Variants in HSD17B12 observed in about 807,000 individuals in gnomAD.
HSD17B12 encodes the protein very-long-chain 3-oxoacyl-CoA reductase.
HSD17B12 carries 32 observed loss-of-function variants against 39.3 expected under a neutral mutation model. The ratio of observed to expected loss-of-function variants is 0.81; its 90% CI spans 0.61 to 1.09. The LOEUF is 1.09. Ranked by LOEUF, HSD17B12 falls within the 50% of genes least tolerant of loss-of-function variation. The pLI is 0.00. For synonymous variants in HSD17B12, 150 were observed against 146.7 expected, an observed-to-expected ratio of 1.02 and a Z score of -0.16; for missense variants, 342 against 382.9, an observed-to-expected ratio of 0.89 and a Z score of 0.89.
the HSD17B12 span, among the ~76,000 whole-genome samples, chr11:43,576,406 C>T: frequency 6.6e-6 from 1 of 152,042 alleles, no homozygotes; most frequent in African/African-American, 2.4e-5. Flanking sequence ...AGGGTTTGAT[C>T]GTGTTCCAGA....
chr11:43,576,848 C>A, the HSD17B12 span, among the ~76,000 whole-genome samples: 2 of 151,984 alleles, frequency 1.3e-5, no homozygotes, highest in Non-Finnish European at 2.9e-5. Context: ...ATCACCCTGA[C>A]GAATCTCTGA....
the HSD17B12 span, among the ~76,000 whole-genome samples, chr11:43,631,225 G>A: frequency 6.6e-6 from 1 of 152,192 alleles, no homozygotes; most frequent in Non-Finnish European, 1.5e-5. Context: ...AAAACAGATG[G>A]TGGACATTTT....
At chr11:43,771,350 G>T in intron 3 of HSD17B12, among the ~76,000 whole-genome samples, 1 of 151,646 alleles carries the variant, frequency 6.6e-6, no homozygotes, top group East Asian at 1.9e-4. Context: ...CCAGTTTCTG[G>T]CTATTATCAA....
chr11:43,749,183 G>T (rs993272476), intron 1 of HSD17B12, among the ~76,000 whole-genome samples: 3 of 152,102 alleles, frequency 2.0e-5, no homozygotes, highest in African/African-American at 7.2e-5. Context: ...TCAAGGACAG[G>T]CTGAGAAAGC....
intron 6 of HSD17B12, among the ~76,000 whole-genome samples, chr11:43,817,389 G>A (rs1205155391): frequency 2.6e-5 from 4 of 152,002 alleles, no homozygotes; most frequent in African/African-American, 9.7e-5. Flanking sequence ...TATTGCATTC[G>A]CTTTTGGGTT....
intron 3 of HSD17B12, among the ~76,000 whole-genome samples, 190 bp downstream of exon 3, chr11:43,754,311 G>A (rs772600123): frequency 2.6e-5 from 4 of 152,150 alleles, no homozygotes; most frequent in Non-Finnish European, 4.4e-5. Flanking sequence ...GGTGGCTCAC[G>A]CCTGTAATCC....
At chr11:43,662,072 C>T in the HSD17B12 span, among the ~76,000 whole-genome samples, 12 of 152,040 alleles carry the variant, frequency 7.9e-5, no homozygotes, top group Non-Finnish European at 1.2e-4. Context: ...TGGTGGTGCA[C>T]GCCTGTAATC....
rs1949737351 is a variant in HSD17B12 at position 43,680,930 on chromosome 11, C to T, written c.103C>T (p.Arg35Trp). Residue 35 changes from arginine (R) to tryptophan (W), a missense_variant, in exon 1 of 11, where the codon CGG becomes TGG. Physicochemically the swap from Arg to Trp is moderately radical, Grantham distance 101 (BLOSUM62 -3). Coordinates refer to ENST00000278353, the MANE Select transcript of HSD17B12 (RefSeq NM_016142.3). ...RISYSLFTALRVWGVGNEAGV... is the reference protein window; with the variant it reads ...RISYSLFTALWVWGVGNEAGV... ...TTCGTACTCGCTCTTCACGGCCCTC[C>T]GGGTCTGGGGAGTGGGGAATGAGGC... is the stretch of plus-strand genomic sequence containing the variant. The T allele has an allele frequency of 1.9e-6, 3 of 1,613,250 alleles. No individual in the cohort carries two copies. Among genetic ancestry groups the T allele is most frequent in the Non-Finnish European group, 1.7e-6 (2 of 1,179,602 alleles).
the HSD17B12 span, among the ~76,000 whole-genome samples, chr11:43,659,883 C>T: frequency 2.0e-5 from 3 of 152,082 alleles, no homozygotes; most frequent in Non-Finnish European, 4.4e-5. Context: ...CTTATTAGTT[C>T]GAAAGTCTAC....
chr11:43,815,364 T>TTTA lies in HSD17B12; in HGVS notation c.392-72_392-70dup, dbSNP rs1368410247. 7 of 799,116 alleles carry TTTA rather than the reference T, an allele frequency of 8.8e-6. No homozygotes were observed. In the African/African-American group the frequency reaches 1.2e-4, roughly 13 times the overall value. The allele number at this position is 799,116 out of a possible 1,614,324, so 49.5% of individuals were successfully genotyped here. A position where few individuals can be genotyped will look rare whatever the true frequency, so the allele number is the denominator to read the frequency against. Reference sequence around the variant, plus strand: ...TATATATCATATTAGTCTTGATATCTTTAATGTCATTATTTTAACAAATCT... The same window carrying TTTA: ...TATATATCATATTAGTCTTGATATCTTTATTAATGTCATTATTTTAACAAATCT... On this transcript the variant is annotated intron_variant, in intron 4 of 10. Coordinates refer to ENST00000278353, the MANE Select transcript of HSD17B12 (RefSeq NM_016142.3).
At chr11:43,713,786 C>A (rs1950093939) in intron 1 of HSD17B12, among the ~76,000 whole-genome samples, 1 of 152,164 alleles carries the variant, frequency 6.6e-6, no homozygotes, top group African/African-American at 2.4e-5. Context: ...TCTCCAGCAC[C>A]TGTTGTTTCC....
At chr11:43,655,195 G>T in the HSD17B12 span, among the ~76,000 whole-genome samples, 5 of 152,170 alleles carry the variant, frequency 3.3e-5, no homozygotes, top group African/African-American at 1.2e-4. Flanking sequence ...CTCATGGTTT[G>T]GCTCTCTGTT....
At chr11:43,768,952 C>G (rs966454234) in intron 3 of HSD17B12, among the ~76,000 whole-genome samples, 3 of 152,196 alleles carry the variant, frequency 2.0e-5, no homozygotes. Context: ...CTGACTGATA[C>G]ATTTACAATC....
the HSD17B12 span, among the ~76,000 whole-genome samples, chr11:43,629,517 A>G: frequency 6.6e-6 from 1 of 152,330 alleles, no homozygotes; most frequent in African/African-American, 2.4e-5. Flanking sequence ...TTGTGGTCGT[A>G]GTCTGGAATT....
intron 6 of HSD17B12, among the ~76,000 whole-genome samples, chr11:43,817,644 A>T (rs920932760): frequency 3.3e-5 from 5 of 151,968 alleles, no homozygotes; most frequent in Non-Finnish European, 7.4e-5. Context: ...TTTATTGAAG[A>T]TCAGTGGGCT....
At chr11:43,610,750 C>T in the HSD17B12 span, among the ~76,000 whole-genome samples, 1 of 152,022 alleles carries the variant, frequency 6.6e-6, no homozygotes, top group African/African-American at 2.4e-5. Context: ...AAATTAATGC[C>T]CCCCAAAAAT....
At chr11:43,711,452 T>A (rs1281765586) in intron 1 of HSD17B12, among the ~76,000 whole-genome samples, 1 of 151,684 alleles carries the variant, frequency 6.6e-6, no homozygotes, top group African/African-American at 2.4e-5. Context: ...ATGGTGTGTT[T>A]TTTTGTTTGC....
the HSD17B12 span, among the ~76,000 whole-genome samples, chr11:43,618,164 C>T: frequency 6.6e-6 from 1 of 152,028 alleles, no homozygotes; most frequent in African/African-American, 2.4e-5. Flanking sequence ...GAAGGAGTCT[C>T]CTGTTGAAGA....
chr11:43,843,867 C>T lies in HSD17B12; in HGVS notation c.684+3803C>T, dbSNP rs546325302. Among the ~76,000 whole-genome samples the T allele has an allele frequency of 5.9e-5, 9 of 152,296 alleles. No homozygotes were observed. In the East Asian group the frequency reaches 1.7e-3, roughly 29 times the overall value. On this transcript the variant is annotated intron_variant, in intron 9 of 10. Coordinates refer to ENST00000278353, the MANE Select transcript of HSD17B12 (RefSeq NM_016142.3). ...CTGTCTCCCCACTTCCATGTATTCT[C>T]GAGAACAGGGCTTTTTATCTTATTT...
Sources: allele counts gnomAD v4.1 joint callset (sites outside exome capture counted in the v4.1 genomes callset), GRCh38; gene constraint gnomAD v4.1.1; transcripts MANE v1.5; gene names NCBI Gene and HGNC (gene_info 2026-07-23, HGNC 2026-07-21).